Variants in SPOP observed in about 807,000 individuals in gnomAD.
The protein encoded by SPOP is speckle type BTB/POZ protein.
In SPOP, 11 loss-of-function variants were observed where a neutral mutation model predicts 45.6. That is an observed-to-expected ratio of 0.24 (90% CI 0.15 to 0.40). SPOP has a LOEUF of 0.40. Among genes scored for constraint, SPOP ranks in the 10% least tolerant of loss-of-function variants. The pLI is 1.00. For synonymous variants in SPOP, 166 were observed against 166.3 expected (o/e 1.00, Z 0.01); for missense variants, 152 against 465.6 (o/e 0.33, Z 6.20).
In SPOP at chr17:49,601,891, T is replaced by C; in HGVS notation, c.954A>G (p.Lys318=). Residue 318 remains lysine, a synonymous_variant, in exon 9 of 10, where the codon AAA becomes AAG. Coordinates refer to ENST00000504102, the MANE Select transcript of SPOP (RefSeq NM_001007228.2). ...LADLHSADQL[K]TQAVDFINYH... ...AGTTGATGAAATCCACTGCCTGAGTTTTCAACTGATCTGCACTGTGGAGGT... is the reference window on the plus strand; with the variant it reads ...AGTTGATGAAATCCACTGCCTGAGTCTTCAACTGATCTGCACTGTGGAGGT... 1 of 1,614,104 alleles carries C rather than the reference T, an allele frequency of 6.2e-7. No homozygotes were observed.
intron 1 of SPOP, among the ~76,000 whole-genome samples, chr17:49,663,255 G>C (rs2073012445): frequency 6.6e-6 from 1 of 152,166 alleles, no homozygotes; most frequent in African/African-American, 2.4e-5. Context: ...AAATGCAAAT[G>C]GGAGGGATCT....
Position 49,608,990 on chromosome 17 carries a change from C to T in SPOP, c.659-1061G>A, listed in dbSNP as rs113888765. On this transcript the variant is annotated intron_variant, in intron 6 of 9. Transcript: ENST00000504102. ...GTGGCATGATCTTGGCTCATTGCAA[C>T]GTCTGCCTCCTGAGTTCAAGCAATT... Among the ~76,000 whole-genome samples the T allele has an allele frequency of 5.9e-5, 9 of 151,730 alleles. No homozygotes were observed. The South Asian group carries it at 1.0e-3, about 18-fold the overall frequency.
intron 1 of SPOP, among the ~76,000 whole-genome samples, chr17:49,659,761 C>T (rs1300352169): frequency 6.6e-6 from 1 of 152,194 alleles, no homozygotes; most frequent in African/African-American, 2.4e-5. Context: ...TATACTTAGC[C>T]TCATTCGCAT....
intron 8 of SPOP, among the ~76,000 whole-genome samples, chr17:49,606,313 T>C (rs933842518): frequency 2.0e-5 from 3 of 151,438 alleles, no homozygotes; most frequent in Admixed American, 1.3e-4. Flanking sequence ...ACCATCACAC[T>C]TGGCTAAATT....
intron 1 of SPOP, among the ~76,000 whole-genome samples, chr17:49,651,280 G>A (rs1484824628): frequency 2.0e-5 from 3 of 152,102 alleles, no homozygotes; most frequent in Admixed American, 1.3e-4. Context: ...TATCAGAAAC[G>A]ATACTAGAAA....
At chr17:49,615,830 G>A (rs1482453774) in intron 5 of SPOP, among the ~76,000 whole-genome samples, 2 of 152,102 alleles carry the variant, frequency 1.3e-5, no homozygotes, top group Admixed American at 6.6e-5. Context: ...CATGACCCTC[G>A]CACTAGTTTG....
intron 5 of SPOP, 147 bp downstream of exon 5, chr17:49,618,834 G>A (rs1489626191): frequency 9.9e-7 from 1 of 1,010,014 alleles, no homozygotes; most frequent in Non-Finnish European, 1.4e-6. Flanking sequence ...TCATCAGGTA[G>A]CTCAATCAGT....
At chr17:49,601,408 A>G (rs1000706643) in intron 9 of SPOP, 1 of 152,548 alleles carries the variant, frequency 6.6e-6, no homozygotes, top group African/African-American at 2.4e-5. Context: ...CTTAAGATGA[A>G]GGAACAGACC....
intron 1 of SPOP, among the ~76,000 whole-genome samples, chr17:49,638,346 T>A (rs1555578615): frequency 6.6e-6 from 1 of 152,136 alleles, no homozygotes; most frequent in Non-Finnish European, 1.5e-5. Context: ...TCCCAGCACT[T>A]GTGGGAGGCC....
intron 1 of SPOP, among the ~76,000 whole-genome samples, chr17:49,640,167 C>T (rs2072619765): frequency 1.3e-5 from 2 of 151,756 alleles, no homozygotes; most frequent in Non-Finnish European, 1.5e-5. Flanking sequence ...GTGGGAGGAT[C>T]ACTTGAACCC....
At chr17:49,608,002 G>T in intron 6 of SPOP, 73 bp from the exon 7 acceptor site, 2 of 1,417,730 alleles carry the variant, frequency 1.4e-6, no homozygotes, top group Non-Finnish European at 2.0e-6. Flanking sequence ...AGTCATGAGG[G>T]AGAGATCATT....
At chr17:49,671,348 C>T (rs2073133110) in intron 1 of SPOP, among the ~76,000 whole-genome samples, 1 of 150,974 alleles carries the variant, frequency 6.6e-6, no homozygotes, top group South Asian at 2.1e-4. Context: ...ACCGCAATTA[C>T]TTTTGCACCA....
At chr17:49,656,578 C>G (rs1182502013) in intron 1 of SPOP, among the ~76,000 whole-genome samples, 1 of 152,118 alleles carries the variant, frequency 6.6e-6, no homozygotes, top group Non-Finnish European at 1.5e-5. Context: ...CATACCACCC[C>G]GAAAGCCAGA....
intron 1 of SPOP, among the ~76,000 whole-genome samples, chr17:49,649,180 A>C (rs2072804523): frequency 6.6e-6 from 1 of 152,198 alleles, no homozygotes; most frequent in African/African-American, 2.4e-5. Context: ...ATTTGCCTTA[A>C]AGAAATCAGC....
In SPOP at chr17:49,615,706, A is replaced by G. The variant is rs142669397; in HGVS notation, c.480+3275T>C. 1.3e-3 allele frequency among the ~76,000 whole-genome samples: 205 copies of G among 152,192 alleles called. 1 individual carries two copies. The highest frequency in any genetic ancestry group is 4.3e-3 in the African/African-American group (179 of 41,530). ...TTATGTCTCTCTCTTTCATTACCAA[A>G]GTAAATGCTCTGTCAAGAAAACTTG... is the stretch of plus-strand genomic sequence containing the variant. On this transcript the variant is annotated intron_variant, in intron 5 of 9. Coordinates refer to ENST00000504102, the MANE Select transcript of SPOP (RefSeq NM_001007228.2).
chr17:49,661,953 C>T (rs1053617467), intron 1 of SPOP, among the ~76,000 whole-genome samples: 1 of 139,728 alleles, frequency 7.2e-6, no homozygotes, highest in Non-Finnish European at 1.5e-5. Flanking sequence ...GCGGAGGTTG[C>T]GGTGAGCCGA....
chr17:49,652,064 A>C (rs770497059), intron 1 of SPOP, among the ~76,000 whole-genome samples: 24 of 152,126 alleles, frequency 1.6e-4, no homozygotes, highest in Admixed American at 5.2e-4. Flanking sequence ...ATACTACTAC[A>C]GGTGGATCAT....
intron 8 of SPOP, among the ~76,000 whole-genome samples, chr17:49,605,340 T>G (rs1201456886): frequency 6.6e-6 from 1 of 152,244 alleles, no homozygotes; most frequent in African/African-American, 2.4e-5. Flanking sequence ...CTTGGGGGAC[T>G]GGGTCCAGGG....
intron 8 of SPOP, chr17:49,606,979 GA>G (rs1248524991): frequency 2.8e-6 from 1 of 357,990 alleles, no homozygotes; most frequent in Non-Finnish European, 5.0e-6. Flanking sequence ...TTAAATTTGA[GA>G]TGGAAAAAAG....
Sources: gnomAD v4.1 joint callset for allele counts (sites outside exome capture counted in the v4.1 genomes callset) on GRCh38, gnomAD v4.1.1 for gene constraint, MANE v1.5 for transcripts, NCBI Gene and HGNC (gene_info 2026-07-23, HGNC 2026-07-21) for gene names.